Variants in COG5 observed in about 807,000 individuals in gnomAD.
COG5 encodes the protein component of oligomeric golgi complex 5.
A neutral mutation model predicts 110.4 loss-of-function variants in COG5; 86 were observed. The ratio of observed to expected loss-of-function variants is 0.78; its 90% CI spans 0.65 to 0.93. The LOEUF is 0.93. Among genes scored for constraint, COG5 ranks in the 40% least tolerant of loss-of-function variants. The pLI, the probability that COG5 is intolerant of heterozygous loss-of-function variation, is 0.00. For missense variants in COG5, 1,077 were observed against 987.0 expected (o/e 1.09, Z -1.22); for synonymous variants, 360 against 334.6 (o/e 1.08, Z -0.83).
chr7:107,403,942 A>T (rs1038819632), intron 7 of COG5, among the ~76,000 whole-genome samples: 1 of 152,092 alleles, frequency 6.6e-6, no homozygotes, highest in Non-Finnish European at 1.5e-5. Context: ...TGATTTTAGT[A>T]AGGGCAGAAT....
intron 10 of COG5, among the ~76,000 whole-genome samples, chr7:107,328,235 G>T (rs1584683851): frequency 6.6e-6 from 1 of 152,222 alleles, no homozygotes; most frequent in Middle Eastern, 3.4e-3. Flanking sequence ...TCACTCCTGG[G>T]CTACAAACTT....
chr7:107,209,144 G>A (rs1798979263), intron 21 of COG5: 1 of 985,498 alleles, frequency 1.0e-6, no homozygotes, highest in Non-Finnish European at 1.2e-6. Flanking sequence ...ACCTGACACA[G>A]GCTAACAAAG....
intron 3 of COG5, among the ~76,000 whole-genome samples, chr7:107,551,371 A>G (rs894682242): frequency 6.6e-6 from 1 of 152,228 alleles, no homozygotes; most frequent in African/African-American, 2.4e-5. Flanking sequence ...CTCAAAAGTA[A>G]TATTTGGAAG....
At chr7:107,351,033 T>C (rs1812090354) in intron 10 of COG5, among the ~76,000 whole-genome samples, 1 of 152,142 alleles carries the variant, frequency 6.6e-6, no homozygotes, top group South Asian at 2.1e-4. Flanking sequence ...GTAGAATTTG[T>C]ATGTACTGTA....
intron 3 of COG5, 89 bp from the exon 4 acceptor site, chr7:107,548,421 T>C (rs1802632331): frequency 1.7e-6 from 2 of 1,211,064 alleles, no homozygotes; most frequent in East Asian, 2.3e-5. Flanking sequence ...TACATGCATA[T>C]ATAATTTTAA....
intron 19 of COG5, among the ~76,000 whole-genome samples, chr7:107,214,318 C>G (rs1202992148): frequency 2.0e-5 from 3 of 152,072 alleles, no homozygotes; most frequent in African/African-American, 7.2e-5. Flanking sequence ...AAAAACCCTG[C>G]AGGGCAGCAT....
At chr7:107,277,412 A>G (rs1804781931) in intron 14 of COG5, among the ~76,000 whole-genome samples, 1 of 152,194 alleles carries the variant, frequency 6.6e-6, no homozygotes, top group South Asian at 2.1e-4. Context: ...ACTAAAAACC[A>G]TGGCTTCAGG....
At chr7:107,330,821 C>A (rs1048715375) in intron 10 of COG5, among the ~76,000 whole-genome samples, 4 of 141,342 alleles carry the variant, frequency 2.8e-5, no homozygotes, top group Non-Finnish European at 4.6e-5. Context: ...TGAGCTAGAT[C>A]CCTTTTTTTT....
chr7:107,258,210 T>G (rs1443468753), intron 15 of COG5, 63 bp downstream of exon 15: 7 of 943,358 alleles, frequency 7.4e-6, no homozygotes, highest in Non-Finnish European at 1.2e-5. Flanking sequence ...ATTTGTAAAC[T>G]GTCCAAATTT....
chr7:107,563,727 G>A (rs1804201162), intron 1 of COG5, 76 bp downstream of exon 1: 1 of 1,537,114 alleles, frequency 6.5e-7, no homozygotes, highest in African/African-American at 1.4e-5. Context: ...GCAACGGGTT[G>A]GGTCCACCTC....
chr7:107,364,273 T>C (rs1290679780), intron 8 of COG5, among the ~76,000 whole-genome samples: 1 of 152,142 alleles, frequency 6.6e-6, no homozygotes, highest in South Asian at 2.1e-4. Context: ...AAAATGTTAA[T>C]GCCATTAACA....
chr7:107,298,231 A>G lies in COG5; in HGVS notation c.1224T>C (p.Asn408=), dbSNP rs371490150. 1 of 1,613,598 alleles carries G rather than the reference A, an allele frequency of 6.2e-7. No individual in the cohort carries two copies. Among genetic ancestry groups the G allele is most frequent in the Non-Finnish European group, 8.5e-7 (1 of 1,179,634 alleles). Residue 408 remains asparagine (N), a synonymous_variant, in exon 12 of 22, where the codon AAT becomes AAC. Transcript: ENST00000297135. ...CATAGAGGTCTGTAGTTCCACTTGCATTAAAATTCCCTTGGATATGCTGAC... is the reference window on the plus strand; with the variant it reads ...CATAGAGGTCTGTAGTTCCACTTGCGTTAAAATTCCCTTGGATATGCTGAC... ...QYSQHIQGNF[N]ASGTTDLYVD...
At chr7:107,433,179 AG>A (rs954354041) in intron 6 of COG5, among the ~76,000 whole-genome samples, 8 of 152,220 alleles carry the variant, frequency 5.3e-5, no homozygotes, top group African/African-American at 1.9e-4. Flanking sequence ...TATGGCTGAA[AG>A]AAATTAAAGA....
chr7:107,245,067 A>T (rs1310468631), intron 17 of COG5, among the ~76,000 whole-genome samples: 1 of 152,226 alleles, frequency 6.6e-6, no homozygotes. Flanking sequence ...ACATATGCAA[A>T]TCAGTAAATG....
intron 7 of COG5, among the ~76,000 whole-genome samples, chr7:107,382,134 C>T (rs1815179242): frequency 6.6e-6 from 1 of 152,144 alleles, no homozygotes; most frequent in African/African-American, 2.4e-5. Flanking sequence ...GGCCTCAAAC[C>T]CTCAGCTACT....
chr7:107,245,689 A>G (rs1039686430), intron 17 of COG5, among the ~76,000 whole-genome samples: 1 of 152,210 alleles, frequency 6.6e-6, no homozygotes, highest in Non-Finnish European at 1.5e-5. Flanking sequence ...GAGAACTACA[A>G]AACACTGCTC....
At chr7:107,472,881 T>G (rs908614807) in intron 6 of COG5, 9 of 151,976 alleles carry the variant, frequency 5.9e-5, no homozygotes, top group Non-Finnish European at 4.4e-5. Context: ...TATAGTTGGT[T>G]GTATGAGTTC....
intron 6 of COG5, among the ~76,000 whole-genome samples, chr7:107,420,305 T>C (rs1015378337): frequency 1.3e-5 from 2 of 152,136 alleles, no homozygotes; most frequent in African/African-American, 4.8e-5. Context: ...TGAAGCACGT[T>C]TTGTAGACCA....
chr7:107,248,308 A>AG, intron 17 of COG5, 88 bp downstream of exon 17: 3 of 854,570 alleles, frequency 3.5e-6, no homozygotes, highest in African/African-American at 1.7e-5. Context: ...CCTGGATGGC[A>AG]GGGGGGCAGC....
Sources: gnomAD v4.1 joint callset for allele counts (sites outside exome capture counted in the v4.1 genomes callset) on GRCh38, gnomAD v4.1.1 for gene constraint, MANE v1.5 for transcripts, NCBI Gene and HGNC (gene_info 2026-07-23, HGNC 2026-07-21) for gene names.